Variants in ZNF33B observed in about 807,000 individuals in gnomAD.
ZNF33B encodes the protein zinc finger protein 11b (KOX 2).
ZNF33B carries 29 observed loss-of-function variants against 45.8 expected under a neutral mutation model. The ratio of observed to expected loss-of-function variants is 0.63; its 90% CI spans 0.47 to 0.86. The LOEUF is 0.86. ZNF33B is among the 40% of genes least tolerant of loss of function. The probability of loss-of-function intolerance (pLI) is 0.00; values close to 1 mark genes in which losing one functional copy is unlikely to be tolerated. For missense variants in ZNF33B, 831 were observed against 909.9 expected (o/e 0.91, Z 1.12); for synonymous variants, 305 against 307.8 (o/e 0.99, Z 0.10).
At chr10:42,629,914 G>A (rs1838974164) in intron 4 of ZNF33B, among the ~76,000 whole-genome samples, 1 of 152,146 alleles carries the variant, frequency 6.6e-6, no homozygotes, top group Admixed American at 6.6e-5. Context: ...CACTTCAAGT[G>A]AAATGTACCA....
intron 4 of ZNF33B, among the ~76,000 whole-genome samples, chr10:42,611,715 A>G (rs2132095998): frequency 6.6e-6 from 1 of 152,382 alleles, no homozygotes; most frequent in South Asian, 2.1e-4. Context: ...CAACTTGTAC[A>G]CAGAATATGT....
At chr10:42,613,111 GAGAT>G (rs1162845299) in intron 4 of ZNF33B, among the ~76,000 whole-genome samples, 4 of 152,228 alleles carry the variant, frequency 2.6e-5, no homozygotes, top group Non-Finnish European at 5.9e-5. Context: ...GCTTTGGAAA[GAGAT>G]AGAAGTCTGT....
chr10:42,605,119 A>T (rs1837784340), intron 4 of ZNF33B: 3 of 152,038 alleles, frequency 2.0e-5, no homozygotes. Context: ...AGGAGGGGAA[A>T]AATATCAAGT....
chr10:42,637,810 G>T (rs897069647), intron 1 of ZNF33B, among the ~76,000 whole-genome samples: 1 of 152,052 alleles, frequency 6.6e-6, no homozygotes, highest in South Asian at 2.1e-4. Flanking sequence ...AGGCCACCAC[G>T]CATGGCTACT....
At chr10:42,587,437 T>A (rs1377267744), downstream of ZNF33B, among the ~76,000 whole-genome samples, 1 of 152,074 alleles carries the variant, frequency 6.6e-6, no homozygotes, top group Admixed American at 6.5e-5. Flanking sequence ...CCTCAAGTGA[T>A]CCTCCCGCCC....
intron 1 of ZNF33B, among the ~76,000 whole-genome samples, chr10:42,583,536 T>G (rs917412248): frequency 1.3e-5 from 2 of 152,166 alleles, no homozygotes; most frequent in Admixed American, 1.3e-4. Flanking sequence ...TCTTATGTCA[T>G]ATGTGCCTTA....
chr10:42,584,040 C>A (rs2132017209), intron 1 of ZNF33B, among the ~76,000 whole-genome samples: 1 of 152,314 alleles, frequency 6.6e-6, no homozygotes, highest in Middle Eastern at 3.4e-3. Flanking sequence ...CCAACTCCCC[C>A]AGCAGCCATT....
chr10:42,587,518 G>C (rs1159985775), downstream of ZNF33B, among the ~76,000 whole-genome samples: 1 of 152,136 alleles, frequency 6.6e-6, no homozygotes, highest in Non-Finnish European at 1.5e-5. Context: ...GCTTCTCAAA[G>C]TGCTGCGATT....
At chr10:42,575,336 A>G (rs763820818) in intron 1 of ZNF33B, among the ~76,000 whole-genome samples, 2 of 152,112 alleles carry the variant, frequency 1.3e-5, no homozygotes, top group Non-Finnish European at 2.9e-5. Flanking sequence ...GGCAAAGAGG[A>G]GCAGCAGGAA....
In ZNF33B at chr10:42,589,968, T is replaced by C. The variant is rs1046375836; in HGVS notation, c.*2645A>G. Reference sequence around the variant, plus strand: ...CTTTATCAAATTGAGTAAGTTCTCCTGTATTCCTTCTGTGTTGAGAGGTTT... The same window carrying C: ...CTTTATCAAATTGAGTAAGTTCTCCCGTATTCCTTCTGTGTTGAGAGGTTT... On this transcript the variant is annotated 3_prime_UTR_variant, in exon 5 of 5. Transcript: ENST00000359467. 1 of 152,224 alleles carries C rather than the reference T, an allele frequency of 6.6e-6. No homozygotes were observed. The highest frequency in any genetic ancestry group is 1.5e-5 in the Non-Finnish European group (1 of 68,034). The allele number at this position is 152,224 out of a possible 1,614,324, so 9.4% of individuals were successfully genotyped here.
chr10:42,594,966 TAAG>T (rs142387188), intron 4 of ZNF33B, among the ~76,000 whole-genome samples: 2,589 of 152,288 alleles, frequency 0.017, 39 homozygotes, highest in Non-Finnish European at 0.027. Flanking sequence ...GTTTCTAATG[TAAG>T]AAGAATAATA....
At chr10:42,583,066 CCAG>C in intron 1 of ZNF33B, 1 of 828,834 alleles carries the variant, frequency 1.2e-6, no homozygotes, top group South Asian at 1.3e-5. Flanking sequence ...TCCTCTTCTT[CCAG>C]CACTGCAAGG....
intron 4 of ZNF33B, among the ~76,000 whole-genome samples, chr10:42,621,230 G>A (rs1838569808): frequency 6.6e-6 from 1 of 151,758 alleles, no homozygotes; most frequent in South Asian, 2.1e-4. Context: ...CCCTCAGGAG[G>A]ATGAGTGGGG....
chr10:42,618,736 A>G (rs2132119543), intron 4 of ZNF33B, among the ~76,000 whole-genome samples: 1 of 152,304 alleles, frequency 6.6e-6, no homozygotes, highest in Non-Finnish European at 1.5e-5. Context: ...TTCTTCAACA[A>G]ATTATGGGCG....
intron 4 of ZNF33B, among the ~76,000 whole-genome samples, chr10:42,629,402 C>T (rs1838950863): frequency 6.6e-6 from 1 of 152,076 alleles, no homozygotes; most frequent in African/African-American, 2.4e-5. Flanking sequence ...AGGGTGACTA[C>T]AGTCAAAAAT....
intron 4 of ZNF33B, among the ~76,000 whole-genome samples, chr10:42,631,487 C>G (rs974058377): frequency 6.6e-6 from 1 of 152,170 alleles, no homozygotes; most frequent in African/African-American, 2.4e-5. Flanking sequence ...GTGTGAGCTA[C>G]CATGCCTGGC....
Position 42,593,084 on chromosome 10 carries a change from T to C in ZNF33B, c.1866A>G (p.Ser622=), listed in dbSNP as rs758848657. The C allele has an allele frequency of 3.7e-6, 6 of 1,614,084 alleles. 1 individual carries two copies. The South Asian group carries it at 6.6e-5, about 18-fold the overall frequency. The stretch of plus-strand genomic sequence containing the variant: ...GAATTCTCTGATGCTGAGTGAGTTG[T>C]GACTTCTGGCAGAAGGTTTTTCCAC... ...NECGKTFCQK[S]QLTQHQRIHI... is the part of the protein sequence containing the mutation. Residue 622 remains serine (S), a synonymous_variant, in exon 5 of 5, where the codon TCA becomes TCG. Transcript: ENST00000359467.
chr10:42,604,367 C>T (rs1564508164), intron 4 of ZNF33B, among the ~76,000 whole-genome samples: 1 of 152,056 alleles, frequency 6.6e-6, no homozygotes, highest in South Asian at 2.1e-4. Context: ...ATGGCTTGAA[C>T]CTGGGAGGCA....
intron 4 of ZNF33B, chr10:42,614,434 A>T (rs1838228939): frequency 6.5e-6 from 1 of 152,736 alleles, no homozygotes; most frequent in East Asian, 1.9e-4. Context: ...ATTAGGTAAA[A>T]ATCAGCAGAC....
Sources: gnomAD v4.1 joint callset for allele counts (sites outside exome capture counted in the v4.1 genomes callset) on GRCh38, gnomAD v4.1.1 for gene constraint, MANE v1.5 for transcripts, NCBI Gene and HGNC (gene_info 2026-07-23, HGNC 2026-07-21) for gene names.